EPG5: variants seen among roughly 807,000 people sequenced by gnomAD.
EPG5 encodes the protein ectopic P granules protein 5 homolog.
Under a neutral mutation model 302.7 loss-of-function variants are expected in EPG5, and 159 were observed. That is an observed-to-expected ratio of 0.53 (90% CI 0.46 to 0.60). The LOEUF (loss-of-function observed/expected upper bound fraction) is 0.60. EPG5 is among the 20% of genes least tolerant of loss of function. EPG5 has a pLI of 0.00. For synonymous variants in EPG5, 1,158 were observed against 1,136.8 expected, an observed-to-expected ratio of 1.02 and a Z score of -0.37; for missense variants, 2,896 against 3,092.4, an observed-to-expected ratio of 0.94 and a Z score of 1.51.
At chr18:45,814,015 G>A in the EPG5 span, among the ~76,000 whole-genome samples, 1 of 152,014 alleles carries the variant, frequency 6.6e-6, no homozygotes, top group Admixed American at 6.6e-5. Flanking sequence ...TTTGAAATGG[G>A]AGAGGTTATC....
chr18:45,842,963 C>T (rs1004856539), downstream of EPG5: 1 of 152,360 alleles, frequency 6.6e-6, no homozygotes, highest in African/African-American at 2.4e-5. Context: ...GGGGCCTTTA[C>T]CCCATGCCCC....
At chr18:45,890,360 C>T (rs1006466135) in intron 27 of EPG5, among the ~76,000 whole-genome samples, 2 of 152,072 alleles carry the variant, frequency 1.3e-5, no homozygotes, top group African/African-American at 4.8e-5. Flanking sequence ...ATGCTGCTCA[C>T]AAATGTCGTT....
At chr18:45,838,450 C>G in the EPG5 span, 1 of 530,288 alleles carries the variant, frequency 1.9e-6, no homozygotes, top group South Asian at 2.8e-5. Flanking sequence ...GGGACCTAGT[C>G]CAAGCACCCA....
intron 40 of EPG5, 23 bp from the exon 41 acceptor site, chr18:45,858,805 T>A: frequency 1.1e-5 from 17 of 1,478,622 alleles, no homozygotes; most frequent in Non-Finnish European, 1.4e-5. Flanking sequence ...AGAAGAGACA[T>A]CAAGATATAG....
In EPG5 at chr18:45,912,354, G is replaced by A. The variant is rs765327583; in HGVS notation, c.3919C>T (p.Leu1307Phe). ...AACTTCTGCCAAATGAGTGGCAGGAGGGGGTGATCAGAAGGTGTGACCAGA... is the reference window on the plus strand; with the variant it reads ...AACTTCTGCCAAATGAGTGGCAGGAAGGGGTGATCAGAAGGTGTGACCAGA... ...QALVTPSDHP[L>F]LPLIWQKFFL... is the part of the protein sequence containing the mutation. Residue 1307 changes from leucine to phenylalanine, a missense_variant, in exon 22 of 44, where the codon CTC (leucine) becomes TTC (phenylalanine). This residue lies in a region of EPG5 where 790 missense variants were observed against 798.0 expected (regional missense o/e 0.99). Coordinates refer to ENST00000282041, the MANE Select transcript of EPG5 (RefSeq NM_020964.3). 7 of 1,611,338 alleles carry A rather than the reference G, an allele frequency of 4.3e-6. No homozygotes were observed. In the Admixed American group the frequency reaches 1.2e-4, roughly 27 times the overall value.
Position 45,860,277 on chromosome 18 carries a change from T to C in EPG5, c.6836A>G (p.Asn2279Ser). ...LFMEVLMMMN[N>S]ATIPTAEFLR... ...GAACTCTGCTGTTGGAATAGTCGCG[T>C]TGTTCATCATCATCAGGACTTCCAT... The change falls in exon 40 of 44, where the codon AAC becomes AGC. Residue 2279 changes from asparagine (N) to serine (S), a missense_variant. This residue lies in a region of EPG5 where 620 missense variants were observed against 704.2 expected (regional missense o/e 0.88). Coordinates refer to ENST00000282041, the MANE Select transcript of EPG5 (RefSeq NM_020964.3). 6.2e-7 allele frequency: 1 copy of C among 1,614,214 alleles called. No homozygotes were observed. The highest frequency in any genetic ancestry group is 1.3e-5 in the African/African-American group (1 of 75,064).
At chr18:45,947,403 C>T (rs960100608) in intron 6 of EPG5, among the ~76,000 whole-genome samples, 1 of 151,836 alleles carries the variant, frequency 6.6e-6, no homozygotes, top group Non-Finnish European at 1.5e-5. Context: ...AAGAGAGAGA[C>T]TCCCTCTCAA....
At position 45,868,985 on chromosome 18, in the gene EPG5, G is replaced by A. The variant is rs536586704; in HGVS notation, c.6226-1237C>T. ...CAGGAGAATGGCGAGAACCTGGAAGGAGGAGCTTGCAGTGAGCCAAGATCG... is the reference window on the plus strand; with the variant it reads ...CAGGAGAATGGCGAGAACCTGGAAGAAGGAGCTTGCAGTGAGCCAAGATCG... On this transcript the variant is annotated intron_variant, in intron 36 of 43. Transcript: ENST00000282041. Among the ~76,000 whole-genome samples the A allele has an allele frequency of 3.3e-5, 5 of 151,336 alleles. No individual in the cohort carries two copies. The East Asian group carries it at 7.9e-4, about 24-fold the overall frequency.
intron 40 of EPG5, among the ~76,000 whole-genome samples, chr18:45,859,331 G>A (rs756877112): frequency 8.5e-5 from 13 of 152,154 alleles, no homozygotes; most frequent in Non-Finnish European, 1.2e-4. Flanking sequence ...CTCTTTGGGG[G>A]AGCGAGGGTG....
chr18:45,823,565 C>A, the EPG5 span, among the ~76,000 whole-genome samples: 1 of 152,288 alleles, frequency 6.6e-6, no homozygotes, highest in Non-Finnish European at 1.5e-5. Context: ...CAACCCTCGG[C>A]CATTTACACT....
chr18:45,837,749 C>A, the EPG5 span: 1 of 1,515,490 alleles, frequency 6.6e-7, no homozygotes, highest in Non-Finnish European at 8.8e-7. Flanking sequence ...CTTCCGGCTG[C>A]TGGGCAACCC....
chr18:45,815,801 T>C, the EPG5 span, among the ~76,000 whole-genome samples: 1 of 152,144 alleles, frequency 6.6e-6, no homozygotes, highest in African/African-American at 2.4e-5. Flanking sequence ...CTGAAATTCA[T>C]ATAGAACCAA....
At chr18:45,941,409 C>T (rs753255039) in intron 9 of EPG5, among the ~76,000 whole-genome samples, 3 of 151,926 alleles carry the variant, frequency 2.0e-5, no homozygotes, top group Admixed American at 6.6e-5. Flanking sequence ...GTTTGGGTAG[C>T]GGTGGGAGGA....
At chr18:45,804,575 A>C in the EPG5 span, among the ~76,000 whole-genome samples, 2,677 of 152,332 alleles carry the variant, frequency 0.018, 81 homozygotes, top group African/African-American at 0.061. Context: ...TTGATTTCTT[A>C]TATCAGAAGC....
the EPG5 span, among the ~76,000 whole-genome samples, chr18:45,827,839 T>C: frequency 6.6e-6 from 1 of 152,160 alleles, no homozygotes; most frequent in African/African-American, 2.4e-5. Flanking sequence ...CTGCTATGAA[T>C]CAGCAAGACA....
intron 25 of EPG5, 67 bp downstream of exon 25, chr18:45,903,906 A>G: frequency 6.7e-7 from 1 of 1,482,048 alleles, no homozygotes; most frequent in South Asian, 1.4e-5. Flanking sequence ...GTCAGCCTCA[A>G]CCCTCAATGG....
Position 45,899,475 on chromosome 18 carries a change from T to C in EPG5, c.4738A>G (p.Thr1580Ala), listed in dbSNP as rs553484474. The C allele has an allele frequency of 3.1e-6, 5 of 1,614,226 alleles. No individual in the cohort carries two copies. The East Asian group carries it at 6.7e-5, about 22-fold the overall frequency. Residue 1580 changes from threonine to alanine, a missense_variant, in exon 27 of 44, where the codon ACC (threonine) becomes GCC (alanine). Coordinates refer to ENST00000282041, the MANE Select transcript of EPG5 (RefSeq NM_020964.3). ...CCTCTGCACTCCAAATGTAGTGTGG[T>C]CTGTTCTTCACGATTCACATACTGC... ...PKQYVNREEQ[T>A]TLHLECRGSS...
At chr18:45,822,265 G>C in the EPG5 span, among the ~76,000 whole-genome samples, 1 of 152,172 alleles carries the variant, frequency 6.6e-6, no homozygotes, top group South Asian at 2.1e-4. Flanking sequence ...AGACCTGGAG[G>C]ACATTAAGTG....
In EPG5 at chr18:45,939,783, C is replaced by G. The variant is rs776408360; in HGVS notation, c.1944-28G>C. 36 of 1,598,556 alleles carry G rather than the reference C, an allele frequency of 2.3e-5. No individual in the cohort carries two copies. In the East Asian group the frequency reaches 7.8e-4, roughly 35 times the overall value. The stretch of plus-strand genomic sequence containing the variant: ...GAGCATGAGGAAAGATAATACAGTA[C>G]TTTTCATTAGCTCAATATCTGCACC... On this transcript the variant is annotated intron_variant, in intron 9 of 43. Coordinates refer to ENST00000282041, the MANE Select transcript of EPG5 (RefSeq NM_020964.3).
Sources: allele counts gnomAD v4.1 joint callset (sites outside exome capture counted in the v4.1 genomes callset), GRCh38; gene constraint gnomAD v4.1.1; regional missense constraint gnomAD v4.1.1; transcripts MANE v1.5; gene names NCBI Gene and HGNC (gene_info 2026-07-23, HGNC 2026-07-21).